Variants in PHLDB2 observed in about 807,000 individuals in gnomAD.
The protein encoded by PHLDB2 is pleckstrin homology-like domain family B member 2.
In PHLDB2, 71 loss-of-function variants were observed where a neutral mutation model predicts 123.6. The observed-to-expected ratio is 0.57, with a 90% CI of 0.47 to 0.70. The LOEUF (loss-of-function observed/expected upper bound fraction) is 0.70, where lower values mean the gene tolerates loss of function less well. Among genes scored for constraint, PHLDB2 ranks in the 30% least tolerant of loss-of-function variants. The probability of loss-of-function intolerance (pLI) is 0.00; values close to 1 mark genes in which losing one functional copy is unlikely to be tolerated. For missense variants in PHLDB2, 1,446 were observed against 1,519.5 expected, an observed-to-expected ratio of 0.95 and a Z score of 0.80; for synonymous variants, 547 against 541.6, an observed-to-expected ratio of 1.01 and a Z score of -0.14.
chr3:111,878,724 C>T (rs943903204), intron 1 of PHLDB2, among the ~76,000 whole-genome samples: 7 of 152,130 alleles, frequency 4.6e-5, no homozygotes, highest in Non-Finnish European at 5.9e-5. Context: ...GAGATACGTT[C>T]CATCAATGCC....
At chr3:111,781,357 G>A (rs200800935) in intron 1 of PHLDB2, among the ~76,000 whole-genome samples, 2 of 55,492 alleles carry the variant, frequency 3.6e-5, no homozygotes, top group Non-Finnish European at 1.3e-4. Context: ...TAATCCACAT[G>A]TCTCCCATCC....
intron 9 of PHLDB2, 60 bp downstream of exon 9, chr3:111,945,417 G>T (rs1471411791): frequency 2.4e-5 from 30 of 1,261,488 alleles, no homozygotes; most frequent in Non-Finnish European, 3.3e-5. Flanking sequence ...ATGTATTTCA[G>T]CTTTATTTGA....
chr3:111,922,869 G>A (rs1343420543), intron 5 of PHLDB2, among the ~76,000 whole-genome samples: 3 of 151,996 alleles, frequency 2.0e-5, no homozygotes, highest in South Asian at 2.1e-4. Context: ...CAATGAAGGC[G>A]GGGTTCCCTC....
rs1220958396 is a variant in PHLDB2 at position 111,975,415 on chromosome 3, C to T, written c.*852C>T. 1 of 152,162 alleles carries T rather than the reference C, an allele frequency of 6.6e-6. No homozygotes were observed. Among genetic ancestry groups the T allele is most frequent in the Non-Finnish European group, 1.5e-5 (1 of 68,022 alleles). The allele number at this position is 152,162 out of a possible 1,614,324, so 9.4% of individuals were successfully genotyped here. Reference sequence around the variant, plus strand: ...TTGTTTTGCTGAAGATTTCTCCATTCCTGGTGCTGAGAATAAAGGCAACCA... The same window carrying T: ...TTGTTTTGCTGAAGATTTCTCCATTTCTGGTGCTGAGAATAAAGGCAACCA... On this transcript the variant is annotated 3_prime_UTR_variant, in exon 18 of 18. Transcript: ENST00000431670.
rs1347339091 is a variant in PHLDB2 at position 111,974,414 on chromosome 3, G to T, written c.3622-9G>T. 17 of 1,563,772 alleles carry T rather than the reference G, an allele frequency of 1.1e-5. No homozygotes were observed. The highest frequency in any genetic ancestry group is 6.0e-5 in the South Asian group (5 of 83,312). Reference sequence around the variant, plus strand: ...TATTTTACATTCTTTTTCCTTTTTTGAATTTTAGAGTCCTAATCCGTTACT... The same window carrying T: ...TATTTTACATTCTTTTTCCTTTTTTTAATTTTAGAGTCCTAATCCGTTACT... On this transcript the variant is annotated splice_polypyrimidine_tract_variant and intron_variant, in intron 17 of 17. Coordinates refer to ENST00000431670, the MANE Select transcript of PHLDB2 (RefSeq NM_001134438.2).
chr3:111,941,623 A>G (rs933655784), intron 8 of PHLDB2, among the ~76,000 whole-genome samples: 10 of 152,152 alleles, frequency 6.6e-5, no homozygotes, highest in Non-Finnish European at 1.5e-4. Flanking sequence ...TCTGGCCAAC[A>G]TGGAAAAACT....
rs568461288 is a variant in PHLDB2 at position 111,832,713 on chromosome 3, AAT to A, written c.-48-13100_-48-13099del. Among the ~76,000 whole-genome samples, 184 of 75,658 alleles carry A rather than the reference AAT, an allele frequency of 2.4e-3. 68 individuals carry two copies. Among genetic ancestry groups the A allele is most frequent in the Middle Eastern group, 7.6e-3 (1 of 132 alleles). The allele number at this position is 75,658 out of a possible 152,430, so 49.6% of individuals were successfully genotyped here. A position where few individuals can be genotyped will look rare whatever the true frequency, so the allele number is the denominator to read the frequency against. ...ATATATATAATAGAATTATACATAT[AAT>A]ATATATAATAGAATTATACATATAA... On this transcript the variant is annotated intron_variant, in intron 1 of 17. Transcript: ENST00000393923.
intron 12 of PHLDB2, among the ~76,000 whole-genome samples, chr3:111,958,490 C>T (rs2071190901): frequency 6.6e-6 from 1 of 152,072 alleles, no homozygotes; most frequent in Admixed American, 6.5e-5. Flanking sequence ...CTTTTCAGGT[C>T]CAATTAGCCA....
At chr3:111,786,992 TAAG>T (rs1212949839) in intron 1 of PHLDB2, among the ~76,000 whole-genome samples, 2 of 152,158 alleles carry the variant, frequency 1.3e-5, no homozygotes, top group Non-Finnish European at 2.9e-5. Context: ...AAAAAAAGTT[TAAG>T]AACTTATTTT....
chr3:111,735,970 A>C (rs895440880), intron 1 of PHLDB2, among the ~76,000 whole-genome samples: 1 of 152,218 alleles, frequency 6.6e-6, no homozygotes, highest in Non-Finnish European at 1.5e-5. Flanking sequence ...TAAATGTAGA[A>C]GAGTAAAAAA....
In PHLDB2 at chr3:111,844,337, T is replaced by C. The variant is rs148222694; in HGVS notation, c.-48-1484T>C. ...TTCACTTGGATGCCCTACAGATATA[T>C]TTCAATTCAACATGTCCAGAATTAA... On this transcript the variant is annotated intron_variant, in intron 1 of 17. Transcript: ENST00000393923. Among the ~76,000 whole-genome samples the C allele has an allele frequency of 2.5e-3, 377 of 152,322 alleles. 12 individuals are homozygous for C. The East Asian group carries it at 0.061, about 24-fold the overall frequency.
chr3:111,780,653 T>G (rs1354448168), intron 1 of PHLDB2, among the ~76,000 whole-genome samples: 1 of 152,028 alleles, frequency 6.6e-6, no homozygotes, highest in Non-Finnish European at 1.5e-5. Flanking sequence ...AGTTTTATGC[T>G]AATAGAAAAG....
At chr3:111,907,316 T>C (rs913632025) in intron 2 of PHLDB2, among the ~76,000 whole-genome samples, 4 of 152,116 alleles carry the variant, frequency 2.6e-5, no homozygotes, top group Non-Finnish European at 5.9e-5. Context: ...AGATAAAGAT[T>C]AGCCAAAGAA....
At chr3:111,951,026 T>C (rs1464704033) in intron 10 of PHLDB2, among the ~76,000 whole-genome samples, 2 of 152,160 alleles carry the variant, frequency 1.3e-5, no homozygotes, top group Non-Finnish European at 2.9e-5. Context: ...GTGTTTTCAT[T>C]GGGGTTTCTT....
intron 1 of PHLDB2, among the ~76,000 whole-genome samples, chr3:111,821,304 G>A (rs79518182): frequency 0.028 from 4,271 of 152,320 alleles, 81 homozygotes; most frequent in South Asian, 0.064. Context: ...GAGAATATGT[G>A]ATGCGTCTGT....
At chr3:111,770,747 G>C (rs1007128264) in intron 1 of PHLDB2, among the ~76,000 whole-genome samples, 61 of 152,162 alleles carry the variant, frequency 4.0e-4, no homozygotes, top group African/African-American at 1.4e-3. Flanking sequence ...GTCACCAAAA[G>C]TAAAAATCTT....
rs2066810096 is a variant in PHLDB2 at position 111,895,810 on chromosome 3, T to C, written c.1335+10398T>C. ...GTTGCAGTGAGCCGAGATCGAGCCA[T>C]TGCAGTCTGGCGTGGGCAAAAGAGT... On this transcript the variant is annotated intron_variant, in intron 2 of 17. Transcript: ENST00000431670. Among the ~76,000 whole-genome samples the C allele has an allele frequency of 2.6e-5, 4 of 152,118 alleles. No individual in the cohort carries two copies. The South Asian group carries it at 8.3e-4, about 32-fold the overall frequency.
intron 1 of PHLDB2, among the ~76,000 whole-genome samples, chr3:111,816,916 C>T (rs946184509): frequency 6.6e-6 from 1 of 152,140 alleles, no homozygotes; most frequent in African/African-American, 2.4e-5. Context: ...GTCTTTCCTG[C>T]AGTGTTCTCA....
intron 2 of PHLDB2, among the ~76,000 whole-genome samples, chr3:111,901,125 C>G (rs918157151): frequency 6.6e-6 from 1 of 151,876 alleles, no homozygotes; most frequent in Non-Finnish European, 1.5e-5. Context: ...TTTGGGAGGC[C>G]GAGGCGGGCG....
Sources: gnomAD v4.1 joint callset for allele counts (sites outside exome capture counted in the v4.1 genomes callset) on GRCh38, gnomAD v4.1.1 for gene constraint, MANE v1.5 for transcripts, NCBI Gene and HGNC (gene_info 2026-07-23, HGNC 2026-07-21) for gene names.